The following TSGA10 variants were observed in gnomAD, a reference collection of about 807,000 sequenced individuals.
TSGA10 encodes the protein testis-specific gene 10 protein.
TSGA10 carries 43 observed loss-of-function variants against 96.6 expected under a neutral mutation model. That is an observed-to-expected ratio of 0.44 (90% CI 0.35 to 0.57). TSGA10 has a LOEUF of 0.57. TSGA10 is among the 20% of genes least tolerant of loss of function. The pLI is 0.01. For missense variants in TSGA10, 703 were observed against 834.4 expected (o/e 0.84, Z 1.94); for synonymous variants, 229 against 269.9 (o/e 0.85, Z 1.48).
intron 15 of TSGA10, among the ~76,000 whole-genome samples, chr2:99,065,716 T>C (rs1190242412): frequency 6.6e-6 from 1 of 152,222 alleles, no homozygotes; most frequent in Non-Finnish European, 1.5e-5. Flanking sequence ...GCCAGTCTAG[T>C]AACTTTCCTG....
chr2:99,013,156 C>T (rs566163823), intron 20 of TSGA10, among the ~76,000 whole-genome samples: 1 of 152,104 alleles, frequency 6.6e-6, no homozygotes, highest in East Asian at 1.9e-4. Context: ...CTGATGTAGG[C>T]ACTAAATGCT....
intron 17 of TSGA10, among the ~76,000 whole-genome samples, chr2:99,033,891 G>A (rs1047993737): frequency 1.3e-5 from 2 of 152,086 alleles, no homozygotes; most frequent in Non-Finnish European, 2.9e-5. Context: ...TGAACACTGG[G>A]ATTTTTGACA....
At chr2:99,020,138 C>T (rs2079876793) in intron 18 of TSGA10, 142 bp downstream of exon 18, 3 of 627,984 alleles carry the variant, frequency 4.8e-6, no homozygotes, top group Non-Finnish European at 8.3e-6. Flanking sequence ...AGAAAAAGTA[C>T]CACCTCTTAG....
At chr2:99,086,941 A>G (rs1186224472) in intron 10 of TSGA10, among the ~76,000 whole-genome samples, 1 of 152,052 alleles carries the variant, frequency 6.6e-6, no homozygotes, top group Non-Finnish European at 1.5e-5. Flanking sequence ...GCAGTGTCTC[A>G]TGCCTGTAAT....
intron 10 of TSGA10, among the ~76,000 whole-genome samples, chr2:99,099,120 C>A (rs777865132): frequency 6.6e-6 from 1 of 152,164 alleles, no homozygotes; most frequent in Middle Eastern, 3.2e-3. Context: ...CAAGACCAGC[C>A]TGACCAACAT....
In TSGA10 at chr2:99,020,465, A is replaced by C. The variant is rs138105250; in HGVS notation, c.1632T>G (p.Asp544Glu). The change falls in exon 18 of 21, where the codon GAT (aspartate) becomes GAG (glutamate). Residue 544 changes from aspartate to glutamate, a missense_variant. Transcript: ENST00000393483. ...QEIEMRENEL[D>E]SAHSEIELLR... is the part of the protein sequence containing the mutation. ...GGAGTTCAATTTCAGAATGAGCAGA[A>C]TCTAACTCATTCTCCCTCTGTTCAA... is the stretch of plus-strand genomic sequence containing the variant. 4.2e-5 allele frequency: 67 copies of C among 1,611,806 alleles called. No individual in the cohort carries two copies. In the African/African-American group the frequency reaches 7.3e-4, roughly 18 times the overall value.
At chr2:99,043,772 T>G (rs2082444132) in intron 16 of TSGA10, among the ~76,000 whole-genome samples, 1 of 152,108 alleles carries the variant, frequency 6.6e-6, no homozygotes, top group Non-Finnish European at 1.5e-5. Flanking sequence ...ATACCAAGAA[T>G]TCTTGTCAAC....
Position 99,104,242 on chromosome 2 carries a change from T to C in TSGA10, c.460-124A>G. On this transcript the variant is annotated intron_variant, in intron 9 of 20. Transcript: ENST00000393483. The stretch of plus-strand genomic sequence containing the variant: ...GACTGACAGGATGAGATTATCAGGT[T>C]AGACCTGACTGCTGTAGAAGGTTTT... 5 of 1,046,854 alleles carry C rather than the reference T, an allele frequency of 4.8e-6. No individual in the cohort carries two copies. In the South Asian group the frequency reaches 8.5e-5, roughly 18 times the overall value. 64.8% of individuals were successfully genotyped at this position (1,046,854 alleles called of 1,614,324 possible). A position where few individuals can be genotyped will look rare whatever the true frequency, so the allele number is the denominator to read the frequency against.
At chr2:99,019,211 C>T (rs777260615) in intron 18 of TSGA10, among the ~76,000 whole-genome samples, 7 of 152,192 alleles carry the variant, frequency 4.6e-5, no homozygotes, top group Non-Finnish European at 8.8e-5. Context: ...ACATTCTATC[C>T]TCTTCACTTG....
intron 17 of TSGA10, among the ~76,000 whole-genome samples, chr2:99,031,902 C>T (rs2081171939): frequency 6.6e-6 from 1 of 152,180 alleles, no homozygotes; most frequent in African/African-American, 2.4e-5. Flanking sequence ...GGAGCTGAGG[C>T]ACTGATCTTA....
intron 10 of TSGA10, among the ~76,000 whole-genome samples, chr2:99,086,272 G>A (rs1429747373): frequency 1.3e-5 from 2 of 152,118 alleles, no homozygotes; most frequent in Non-Finnish European, 2.9e-5. Flanking sequence ...CACCATACAC[G>A]AAAAACCTAA....
At chr2:99,062,774 C>A (rs1423276552) in intron 16 of TSGA10, among the ~76,000 whole-genome samples, 1 of 152,014 alleles carries the variant, frequency 6.6e-6, no homozygotes, top group Non-Finnish European at 1.5e-5. Flanking sequence ...AAAAATAAAT[C>A]ATAATGAAAC....
At chr2:99,074,466 A>C (rs959610209) in intron 12 of TSGA10, among the ~76,000 whole-genome samples, 1 of 151,526 alleles carries the variant, frequency 6.6e-6, no homozygotes, top group Non-Finnish European at 1.5e-5. Context: ...CAGATTCCAC[A>C]TCTGGCAGTA....
At chr2:99,118,717 G>A in intron 2 of TSGA10, 31 bp from the exon 3 acceptor site, 1 of 970,024 alleles carries the variant, frequency 1.0e-6, no homozygotes. Flanking sequence ...TAGACCCATT[G>A]AACAATGATT....
intron 4 of TSGA10, among the ~76,000 whole-genome samples, chr2:99,113,361 T>C (rs1198162623): frequency 4.6e-5 from 7 of 152,122 alleles, no homozygotes; most frequent in Non-Finnish European, 4.4e-5. Flanking sequence ...TCTTGGATTG[T>C]TGGCTGGGGG....
chr2:99,134,552 A>G (rs1559123960), intron 1 of TSGA10, among the ~76,000 whole-genome samples: 3 of 152,080 alleles, frequency 2.0e-5, no homozygotes, highest in Admixed American at 1.3e-4. Context: ...GGAGCTTGTT[A>G]TTACCCACCT....
At chr2:99,084,366 C>A (rs2087970759) in intron 10 of TSGA10, among the ~76,000 whole-genome samples, 1 of 152,140 alleles carries the variant, frequency 6.6e-6, no homozygotes, top group African/African-American at 2.4e-5. Flanking sequence ...TTAACACTAT[C>A]CCCTTGGTGA....
intron 16 of TSGA10, among the ~76,000 whole-genome samples, chr2:99,038,560 A>C (rs1241586014): frequency 2.0e-5 from 3 of 152,208 alleles, no homozygotes; most frequent in Non-Finnish European, 2.9e-5. Context: ...AAAGACAAAG[A>C]GGGACATTAT....
chr2:99,125,260 T>C (rs949347379), intron 2 of TSGA10: 1 of 152,240 alleles, frequency 6.6e-6, no homozygotes, highest in African/African-American at 2.4e-5. Context: ...ACAGTTTGCT[T>C]ATCCATTCAT....
Sources: allele counts gnomAD v4.1 joint callset (sites outside exome capture counted in the v4.1 genomes callset), GRCh38; gene constraint gnomAD v4.1.1; transcripts MANE v1.5; gene names NCBI Gene and HGNC (gene_info 2026-07-23, HGNC 2026-07-21).